The following KDM4D variants were observed in gnomAD, a reference collection of about 807,000 sequenced individuals.
The protein encoded by KDM4D is lysine-specific demethylase 4D.
For missense variants in KDM4D, 427 were observed against 674.8 expected (o/e 0.63, Z 4.07); for synonymous variants, 254 against 249.1 (o/e 1.02, Z -0.19).
At chr11:94,987,524 T>C (rs782346101) in intron 2 of KDM4D, among the ~76,000 whole-genome samples, 4 of 152,190 alleles carry the variant, frequency 2.6e-5, no homozygotes, top group Non-Finnish European at 4.4e-5. Context: ...GGTGCCCCCA[T>C]CTTCAAAGGA....
At position 94,991,363 on chromosome 11, in the gene KDM4D, AAAAG is replaced by A. The variant is rs587667385; in HGVS notation, c.-349-5651_-349-5648del. ...AAATATGAAAGAGACCAAAGCAAAAAAAAGAAAGAAAGATAAAAAGGACAAAAGT... is the reference window on the plus strand; with the variant it reads ...AAATATGAAAGAGACCAAAGCAAAAAAAAGAAAGATAAAAAGGACAAAAGT... On this transcript the variant is annotated intron_variant, in intron 2 of 2. Transcript: ENST00000335080. Among the ~76,000 whole-genome samples, 477 of 152,326 alleles carry A rather than the reference AAAAG, an allele frequency of 3.1e-3. 1 individual carries two copies. Among genetic ancestry groups the A allele is most frequent in the Non-Finnish European group, 5.1e-3 (349 of 68,018 alleles).
intron 2 of KDM4D, among the ~76,000 whole-genome samples, chr11:94,982,543 T>TAAA (rs56220010): frequency 1.4e-5 from 2 of 139,556 alleles, no homozygotes; most frequent in East Asian, 2.2e-4. Flanking sequence ...TCCCTATTTC[T>TAAA]AAAAAAAAAA....
Position 94,974,064 on chromosome 11 carries a change from C to T in KDM4D, c.-449C>T, listed in dbSNP as rs1173490511. The T allele has an allele frequency of 1.3e-5, 2 of 152,224 alleles. No homozygotes were observed. The highest frequency in any genetic ancestry group is 4.8e-5 in the African/African-American group (2 of 41,448). The allele number at this position is 152,224 out of a possible 1,614,324, so 9.4% of individuals were successfully genotyped here. The stretch of plus-strand genomic sequence containing the variant: ...ATGTACGGGGCAACCACGATCTTTA[C>T]AAAGGTACCATTCCTGCAAAAATAT... On this transcript the variant is annotated 5_prime_UTR_variant, in exon 1 of 3. It introduces an in-frame stop codon into an upstream open reading frame of the 5' UTR. Coordinates refer to ENST00000335080, the MANE Select transcript of KDM4D (RefSeq NM_018039.3).
At position 94,998,082 on chromosome 11, in the gene KDM4D, G is replaced by A; in HGVS notation, c.710G>A (p.Gly237Asp). 1.2e-6 allele frequency: 2 copies of A among 1,614,162 alleles called. No individual in the cohort carries two copies. Among genetic ancestry groups the A allele is most frequent in the Non-Finnish European group, 1.7e-6 (2 of 1,180,030 alleles). ...GAGCTCTTCCCAGGCAGTTCCCGGG[G>A]TTGTGGGGCCTTCCTGCGGCACAAG... The part of the protein sequence containing the change: ...ARELFPGSSR[G>D]CGAFLRHKVA... Residue 237 changes from glycine to aspartate, a missense_variant, in exon 3 of 3, where the codon GGT becomes GAT. Gly to Asp is a moderately conservative substitution (Grantham distance 94, BLOSUM62 -1). Transcript: ENST00000335080. The surrounding 1 kb of genome is among the most constrained non-coding windows in gnomAD (Gnocchi z 6.7).
chr11:94,992,629 T>C (rs587643282), intron 2 of KDM4D, among the ~76,000 whole-genome samples: 1 of 152,258 alleles, frequency 6.6e-6, no homozygotes, highest in South Asian at 2.1e-4. Flanking sequence ...TCTTAAAATA[T>C]TTAAATTCTA....
At position 94,998,994 on chromosome 11, in the gene KDM4D, T is replaced by G; in HGVS notation, c.*50T>G. 1 of 1,457,438 alleles carries G rather than the reference T, an allele frequency of 6.9e-7. No homozygotes were observed. The highest frequency in any genetic ancestry group is 1.7e-5 in the South Asian group (1 of 58,312). The allele number at this position is 1,457,438 out of a possible 1,614,324, so 90.3% of individuals were successfully genotyped here. A position where few individuals can be genotyped will look rare whatever the true frequency, so the allele number is the denominator to read the frequency against. ...ACTGCCCTGCTGTGTGACAGTTTGA[T>G]GAAACTGGTTACATTTACATCCCAA... On this transcript the variant is annotated 3_prime_UTR_variant, in exon 3 of 3. Transcript: ENST00000335080. The surrounding 1 kb of genome is among the most constrained non-coding windows in gnomAD (Gnocchi z 6.7).
At chr11:94,994,759 A>G (rs1410814370) in intron 2 of KDM4D, among the ~76,000 whole-genome samples, 3 of 151,000 alleles carry the variant, frequency 2.0e-5, no homozygotes, top group Non-Finnish European at 4.4e-5. Context: ...ATGTCAGTAG[A>G]AAGGTGGGGG....
In KDM4D at chr11:94,997,353, A is replaced by G; in HGVS notation, c.-20A>G. 1.3e-6 allele frequency: 2 copies of G among 1,557,440 alleles called. No homozygotes were observed. The highest frequency in any genetic ancestry group is 1.7e-6 in the Non-Finnish European group (2 of 1,156,534). On this transcript the variant is annotated 5_prime_UTR_variant, in exon 3 of 3. Coordinates refer to ENST00000335080, the MANE Select transcript of KDM4D (RefSeq NM_018039.3). ...ACTATCTAGAACATACCTAAAAACTAAGAGTTTACTGCTTATTAAATGGAA... is the reference window on the plus strand; with the variant it reads ...ACTATCTAGAACATACCTAAAAACTGAGAGTTTACTGCTTATTAAATGGAA...
chr11:94,979,520 G>A (rs1259251401), intron 2 of KDM4D, among the ~76,000 whole-genome samples: 2 of 152,098 alleles, frequency 1.3e-5, no homozygotes, highest in Admixed American at 1.3e-4. Flanking sequence ...GTGAGCCAGC[G>A]CACCTGGCCC....
Position 94,999,020 on chromosome 11 carries a change from A to C in KDM4D, c.*76A>C. 1 of 1,401,000 alleles carries C rather than the reference A, an allele frequency of 7.1e-7. No homozygotes were observed. The highest frequency in any genetic ancestry group is 2.7e-5 in the Admixed American group (1 of 36,560). 86.8% of individuals were successfully genotyped at this position (1,401,000 alleles called of 1,614,324 possible). A position where few individuals can be genotyped will look rare whatever the true frequency, so the allele number is the denominator to read the frequency against. ...GAAACTGGTTACATTTACATCCCAA[A>C]ACTTTGGTTGAGTTTGCAGGACTCT... On this transcript the variant is annotated 3_prime_UTR_variant, in exon 3 of 3. Transcript: ENST00000335080.
At chr11:94,996,348 G>GC (rs1160123420) in intron 2 of KDM4D, among the ~76,000 whole-genome samples, 3 of 151,978 alleles carry the variant, frequency 2.0e-5, no homozygotes, top group Non-Finnish European at 4.4e-5. Flanking sequence ...ATCCCCTCAA[G>GC]CCCCCCTACA....
intron 2 of KDM4D, among the ~76,000 whole-genome samples, chr11:94,990,272 A>T (rs782565315): frequency 6.6e-6 from 1 of 152,196 alleles, no homozygotes; most frequent in Non-Finnish European, 1.5e-5. Context: ...CACCAAATAA[A>T]TGTAGCACTC....
chr11:94,995,635 G>T (rs1282480924), intron 2 of KDM4D, among the ~76,000 whole-genome samples: 1 of 152,096 alleles, frequency 6.6e-6, no homozygotes, highest in East Asian at 1.9e-4. Flanking sequence ...AGTAAAATAG[G>T]CACTCAGTTA....
intron 2 of KDM4D, among the ~76,000 whole-genome samples, chr11:94,992,045 A>C: frequency 6.6e-6 from 1 of 152,012 alleles, no homozygotes; most frequent in East Asian, 1.9e-4. Context: ...CCCTCTCCGA[A>C]ATACAGAATT....
chr11:94,981,647 G>T (rs137883633), intron 2 of KDM4D, among the ~76,000 whole-genome samples: 1,817 of 151,852 alleles, frequency 0.012, 46 homozygotes, highest in African/African-American at 0.041. Flanking sequence ...ATACTTCTTT[G>T]TTGTCTCTTT....
chr11:94,974,351 T>C (rs1373016407), intron 1 of KDM4D, among the ~76,000 whole-genome samples: 2 of 152,232 alleles, frequency 1.3e-5, no homozygotes, highest in African/African-American at 2.4e-5. Flanking sequence ...ATTCTGAGAA[T>C]AGAGATCTTG....
In KDM4D at chr11:94,999,439, G is replaced by C. The variant is rs992961928; in HGVS notation, c.*495G>C. On this transcript the variant is annotated 3_prime_UTR_variant, in exon 3 of 3. Coordinates refer to ENST00000335080, the MANE Select transcript of KDM4D (RefSeq NM_018039.3). ...CCAGAATAAAAGATATGACTTTTCT[G>C]AGTTATTTATGTACTTAAAATATGT... The C allele has an allele frequency of 1.2e-5, 2 of 166,958 alleles. No homozygotes were observed. Among genetic ancestry groups the C allele is most frequent in the East Asian group, 3.8e-4 (2 of 5,202 alleles). 10.3% of individuals were successfully genotyped at this position (166,958 alleles called of 1,614,324 possible).
At chr11:94,990,152 A>G (rs1857922906) in intron 2 of KDM4D, among the ~76,000 whole-genome samples, 1 of 152,220 alleles carries the variant, frequency 6.6e-6, no homozygotes, top group African/African-American at 2.4e-5. Context: ...AAGCAAGCAC[A>G]TCTCATGGAA....
intron 2 of KDM4D, among the ~76,000 whole-genome samples, 156 bp downstream of exon 2, chr11:94,975,904 T>G (rs1317398437): frequency 6.6e-6 from 1 of 152,178 alleles, no homozygotes. Context: ...CTTCATTGAT[T>G]TAACTCCCAG....
Sources: allele counts gnomAD v4.1 joint callset (sites outside exome capture counted in the v4.1 genomes callset), GRCh38; gene constraint gnomAD v4.1.1; non-coding constraint Gnocchi (gnomAD v3.1); transcripts MANE v1.5; gene names NCBI Gene and HGNC (gene_info 2026-07-23, HGNC 2026-07-21).